ARB2A: variants seen among roughly 807,000 people sequenced by gnomAD.
The protein encoded by ARB2A is ARB2 cotranscriptional regulator A.
At chr5:93,688,560 T>C in the ARB2A span, among the ~76,000 whole-genome samples, 6 of 152,306 alleles carry the variant, frequency 3.9e-5, no homozygotes, top group South Asian at 2.1e-4. Context: ...TTCTCCTTCA[T>C]AGTCATTTCC....
chr5:93,922,640 AAGGGAGGG>A, the ARB2A span, among the ~76,000 whole-genome samples: 5 of 69,178 alleles, frequency 7.2e-5, no homozygotes, highest in Non-Finnish European at 1.0e-4. Flanking sequence ...AAAAGAAAGA[AAGGGAGGG>A]AGGGAGGGAG....
At chr5:93,960,425 G>A in the ARB2A span, among the ~76,000 whole-genome samples, 1 of 151,912 alleles carries the variant, frequency 6.6e-6, no homozygotes. Context: ...CTAACATATT[G>A]TATGCTTTAC....
the ARB2A span, among the ~76,000 whole-genome samples, chr5:93,727,273 C>T: frequency 2.6e-3 from 393 of 152,048 alleles, 2 homozygotes; most frequent in African/African-American, 8.6e-3. Context: ...AAGCATTGGA[C>T]AATAACAGGG....
the ARB2A span, chr5:94,050,906 G>C: frequency 9.6e-7 from 1 of 1,042,738 alleles, no homozygotes; most frequent in Non-Finnish European, 1.4e-6. Context: ...AACAAAGAAT[G>C]TCTGATAAAA....
the ARB2A span, among the ~76,000 whole-genome samples, chr5:93,859,498 T>C: frequency 6.6e-6 from 1 of 152,030 alleles, no homozygotes; most frequent in African/African-American, 2.4e-5. Flanking sequence ...ATAAACCATA[T>C]AAAAAAAGAT....
the ARB2A span, among the ~76,000 whole-genome samples, chr5:93,674,598 T>C: frequency 6.6e-6 from 1 of 152,226 alleles, no homozygotes; most frequent in Non-Finnish European, 1.5e-5. Context: ...CCAAAGACAT[T>C]GATCATGTAA....
the ARB2A span, chr5:93,741,029 TC>T: frequency 6.2e-7 from 1 of 1,613,814 alleles, no homozygotes; most frequent in Non-Finnish European, 8.5e-7. Context: ...GGTCGCAGCT[TC>T]CACATGTTGG....
chr5:93,702,220 A>T, the ARB2A span, among the ~76,000 whole-genome samples: 1 of 152,176 alleles, frequency 6.6e-6, no homozygotes, highest in Non-Finnish European at 1.5e-5. Context: ...ATGTCCCTTA[A>T]AGGAAGAACA....
At chr5:94,063,058 G>A in the ARB2A span, among the ~76,000 whole-genome samples, 21 of 152,146 alleles carry the variant, frequency 1.4e-4, no homozygotes, top group African/African-American at 4.1e-4. Flanking sequence ...AGCATAGGGC[G>A]GTGGTGCAGT....
At chr5:93,812,665 A>T in the ARB2A span, among the ~76,000 whole-genome samples, 1 of 152,194 alleles carries the variant, frequency 6.6e-6, no homozygotes, top group African/African-American at 2.4e-5. Context: ...AGGCACAAAT[A>T]GGCATATTAG....
At chr5:93,694,096 A>C in the ARB2A span, among the ~76,000 whole-genome samples, 2 of 152,234 alleles carry the variant, frequency 1.3e-5, no homozygotes, top group Non-Finnish European at 2.9e-5. Context: ...TGAATGTGCA[A>C]AACTTGGAAG....
chr5:93,935,851 G>GT, the ARB2A span, among the ~76,000 whole-genome samples: 48 of 152,128 alleles, frequency 3.2e-4, no homozygotes, highest in Admixed American at 2.6e-3. Context: ...GTTATTTTGT[G>GT]TTTTTTTACA....
At chr5:93,653,507 G>A in the ARB2A span, among the ~76,000 whole-genome samples, 32 of 37,812 alleles carry the variant, frequency 8.5e-4, 1 homozygote, top group Middle Eastern at 0.043. Flanking sequence ...GCGAGACTCC[G>A]TCTCAAAAAA....
At chr5:94,039,900 GAA>G in the ARB2A span, among the ~76,000 whole-genome samples, 6 of 152,072 alleles carry the variant, frequency 3.9e-5, no homozygotes, top group Admixed American at 1.3e-4. Context: ...TGATCAAAAG[GAA>G]AAAGACTGCA....
chr5:93,882,232 C>T, the ARB2A span, among the ~76,000 whole-genome samples: 1 of 151,336 alleles, frequency 6.6e-6, no homozygotes, highest in South Asian at 2.1e-4. Context: ...TCCATACCTA[C>T]ATTATTATAA....
At chr5:93,798,892 G>C in the ARB2A span, among the ~76,000 whole-genome samples, 1 of 152,074 alleles carries the variant, frequency 6.6e-6, no homozygotes, top group Non-Finnish European at 1.5e-5. Context: ...TGTAAGTCTT[G>C]GGTTGACAGG....
the ARB2A span, among the ~76,000 whole-genome samples, chr5:93,942,838 T>C: frequency 6.6e-6 from 1 of 152,178 alleles, no homozygotes; most frequent in Non-Finnish European, 1.5e-5. Flanking sequence ...TGTATGTATG[T>C]AGCTGTAGAT....
At chr5:93,741,438 G>A in the ARB2A span, 2 of 1,613,454 alleles carry the variant, frequency 1.2e-6, no homozygotes, top group Non-Finnish European at 1.7e-6. Context: ...CCATCACCCT[G>A]CCAGGGGCCG....
At chr5:93,904,754 C>A in the ARB2A span, among the ~76,000 whole-genome samples, 2 of 151,546 alleles carry the variant, frequency 1.3e-5, no homozygotes, top group Non-Finnish European at 3.0e-5. Context: ...AAATATAACA[C>A]CTTTTATATT....
Sources: allele counts gnomAD v4.1 joint callset (sites outside exome capture counted in the v4.1 genomes callset), GRCh38; gene constraint gnomAD v4.1.1; transcripts MANE v1.5; gene names NCBI Gene and HGNC (gene_info 2026-07-23, HGNC 2026-07-21).